Variants in RPL31 observed in about 807,000 individuals in gnomAD.
RPL31 encodes ribosomal protein L31.
For synonymous variants in RPL31, 51 were observed against 55.0 expected (o/e 0.93, Z 0.32); for missense variants, 95 against 164.0 (o/e 0.58, Z 2.30).
At chr2:101,011,555 A>G (rs1350550231), downstream of RPL31, 5 of 1,613,706 alleles carry the variant, frequency 3.1e-6, no homozygotes, top group East Asian at 6.7e-5. Flanking sequence ...AAAAAAGATG[A>G]GAGGTTTAAA....
downstream of RPL31, among the ~76,000 whole-genome samples, chr2:101,008,676 GT>G (rs1678936887): frequency 6.6e-6 from 1 of 152,134 alleles, no homozygotes; most frequent in East Asian, 1.9e-4. Context: ...GCCAGGCATG[GT>G]GACCCATGCC....
Position 101,002,740 on chromosome 2 carries a change from C to G in RPL31, c.39C>G (p.Gly13=), listed in dbSNP as rs756941759. 23 of 1,614,018 alleles carry G rather than the reference C, an allele frequency of 1.4e-5. No individual in the cohort carries two copies. In the Admixed American group the frequency reaches 1.8e-4, roughly 13 times the overall value. ...AGAAGGGTGGCGAGAAGAAAAAGGG[C>G]CGTTCTGCCATCAACGAAGTGGTAA... ...PAKKGGEKKK[G]RSAINEVVTR... Residue 13 remains glycine (G), a synonymous_variant, in exon 2 of 5, where the codon GGC becomes GGG. Coordinates refer to ENST00000264258, the MANE Select transcript of RPL31 (RefSeq NM_000993.5).
chr2:101,006,121 T>A, intron 4 of RPL31, 50 bp downstream of exon 4: 1 of 1,589,796 alleles, frequency 6.3e-7, no homozygotes, highest in Non-Finnish European at 8.6e-7. Flanking sequence ...AAAAATGTCC[T>A]TACCTCTTAA....
At chr2:101,015,806 AAAAC>A (rs1425463648) in intron 4 of RPL31, among the ~76,000 whole-genome samples, 2 of 152,238 alleles carry the variant, frequency 1.3e-5, no homozygotes, top group African/African-American at 4.8e-5. Flanking sequence ...AAACCTGAGA[AAAAC>A]AAGCAATGGG....
chr2:101,009,821 C>CATTTTTTTTTTTTTTTTTT (rs144990163), downstream of RPL31, among the ~76,000 whole-genome samples: 2 of 134,192 alleles, frequency 1.5e-5, 1 homozygote, highest in Non-Finnish European at 3.3e-5. Context: ...AAAAAAGGAG[C>CATTTTTTTTTTTTTTTTTT]TTTTTCTTTT....
At chr2:101,014,837 C>T (rs1656930918) in intron 4 of RPL31, among the ~76,000 whole-genome samples, 1 of 152,194 alleles carries the variant, frequency 6.6e-6, no homozygotes, top group African/African-American at 2.4e-5. Flanking sequence ...ACTTGAGTGC[C>T]AAACTTCTCT....
intron 4 of RPL31, chr2:101,017,872 T>C: frequency 6.4e-7 from 1 of 1,550,956 alleles, no homozygotes. Context: ...TTCAAAACGA[T>C]GATCTCTTCA....
At chr2:101,008,640 C>G (rs72976845), downstream of RPL31, among the ~76,000 whole-genome samples, 4,595 of 152,042 alleles carry the variant, frequency 0.03, 253 homozygotes, top group African/African-American at 0.1. Context: ...TGGAGAAACC[C>G]CATCTCTACT....
In RPL31 at chr2:101,005,978, C is replaced by T. The variant is rs764955551; in HGVS notation, c.253C>T (p.Arg85Cys). The T allele has an allele frequency of 1.2e-6, 2 of 1,612,914 alleles. No individual in the cohort carries two copies. Among genetic ancestry groups the T allele is most frequent in the Non-Finnish European group, 1.7e-6 (2 of 1,179,926 alleles). ...KGIRNVPYRI[R>C]VRLSRKRNED... ...TATTAGGAATGTGCCATACCGAATCCGTGTGCGGCTGTCCAGAAAACGTAA... is the reference window on the plus strand; with the variant it reads ...TATTAGGAATGTGCCATACCGAATCTGTGTGCGGCTGTCCAGAAAACGTAA... Residue 85 changes from arginine (R) to cysteine (C), a missense_variant, in exon 4 of 5, where the codon CGT (arginine) becomes TGT (cysteine). By Grantham distance (180) the Arg-to-Cys change is radical. Coordinates refer to ENST00000264258, the MANE Select transcript of RPL31 (RefSeq NM_000993.5).
downstream of RPL31, among the ~76,000 whole-genome samples, chr2:101,009,290 C>T (rs1210455900): frequency 6.6e-6 from 1 of 151,728 alleles, no homozygotes; most frequent in African/African-American, 2.4e-5. Context: ...CCTGTAGTCC[C>T]AGCTACTCGG....
chr2:101,015,656 T>C (rs963406566), intron 4 of RPL31, among the ~76,000 whole-genome samples: 3 of 152,204 alleles, frequency 2.0e-5, no homozygotes, highest in South Asian at 2.1e-4. Flanking sequence ...GGCATCACGC[T>C]ACGTGACTTC....
downstream of RPL31, chr2:101,007,759 G>GAAAC (rs1558961077): frequency 3.3e-6 from 5 of 1,528,616 alleles, no homozygotes; most frequent in African/African-American, 2.7e-5. Context: ...CTGACCCCAA[G>GAAAC]AAACAGTCTG....
At chr2:101,005,113 C>T (rs1165649766) in intron 3 of RPL31, 1 of 152,214 alleles carries the variant, frequency 6.6e-6, no homozygotes, top group Non-Finnish European at 1.5e-5. Flanking sequence ...CCTCCGATGC[C>T]TGCCTTGGGA....
In RPL31 at chr2:101,007,238, A is replaced by C. The variant is rs1243735829; in HGVS notation, c.*857A>C. ...AAGAAAAGGACCAAGTAAATACAAA[A>C]AGTTTCTTATTAAAAAACTTGGAAG... On this transcript the variant is annotated 3_prime_UTR_variant, in exon 5 of 5. Coordinates refer to ENST00000264258, the MANE Select transcript of RPL31 (RefSeq NM_000993.5). The C allele has an allele frequency of 6.6e-6, 1 of 152,392 alleles. No homozygotes were observed. The highest frequency in any genetic ancestry group is 1.5e-5 in the Non-Finnish European group (1 of 68,174). 9.4% of individuals were successfully genotyped at this position (152,392 alleles called of 1,614,324 possible). A position where few individuals can be genotyped will look rare whatever the true frequency, so the allele number is the denominator to read the frequency against.
intron 4 of RPL31, among the ~76,000 whole-genome samples, chr2:101,014,629 C>T (rs190409625): frequency 2.2e-4 from 34 of 152,306 alleles, no homozygotes; most frequent in Middle Eastern, 6.8e-3. Context: ...TCCCCTATGC[C>T]GTTTGGGCCA....
chr2:101,012,599 G>A (rs1224020053), intron 4 of RPL31, among the ~76,000 whole-genome samples: 1 of 146,262 alleles, frequency 6.8e-6, no homozygotes. Flanking sequence ...ATTGATTGTG[G>A]TGATCGCTGC....
Position 101,003,080 on chromosome 2 carries a change from T to C in RPL31, c.107+272T>C, listed in dbSNP as rs887483665. On this transcript the variant is annotated intron_variant, in intron 2 of 4. Transcript: ENST00000264258. ...TCCTGTTCCCTTCCCTACCCAAACA[T>C]GCGTGGTCTATTCTCAGATCCTCCA... Among the ~76,000 whole-genome samples, 5 of 152,180 alleles carry C rather than the reference T, an allele frequency of 3.3e-5. No individual in the cohort carries two copies. The South Asian group carries it at 1.0e-3, about 31-fold the overall frequency.
At chr2:101,004,048 A>G in intron 2 of RPL31, 110 bp from the exon 3 acceptor site, 1 of 1,270,158 alleles carries the variant, frequency 7.9e-7, no homozygotes, top group Non-Finnish European at 1.1e-6. Context: ...TACATAAGAC[A>G]TTGCTTAAAG....
chr2:101,008,553 G>A (rs369998854), downstream of RPL31, among the ~76,000 whole-genome samples: 51 of 152,250 alleles, frequency 3.3e-4, no homozygotes, highest in East Asian at 6.0e-3. Flanking sequence ...AGTGGCTCCC[G>A]CCTGTAATCC....
Sources: allele counts gnomAD v4.1 joint callset (sites outside exome capture counted in the v4.1 genomes callset), GRCh38; gene constraint gnomAD v4.1.1; transcripts MANE v1.5; gene names NCBI Gene and HGNC (gene_info 2026-07-23, HGNC 2026-07-21).